EXTL3: variants seen among roughly 807,000 people sequenced by gnomAD.
EXTL3 encodes the protein exostosin-like 3.
In EXTL3, 27 loss-of-function variants were observed where a neutral mutation model predicts 69.3. The observed-to-expected ratio is 0.39, with a 90% CI of 0.29 to 0.54. The LOEUF (loss-of-function observed/expected upper bound fraction) is 0.54. Among genes scored for constraint, EXTL3 ranks in the 20% least tolerant of loss-of-function variants. EXTL3 has a pLI of 0.69. For missense variants in EXTL3, 1,003 were observed against 1,231.8 expected, an observed-to-expected ratio of 0.81 and a Z score of 2.78; for synonymous variants, 511 against 499.4, an observed-to-expected ratio of 1.02 and a Z score of -0.31.
intron 1 of EXTL3, among the ~76,000 whole-genome samples, chr8:28,641,634 G>A (rs1449371109): frequency 1.3e-5 from 2 of 151,782 alleles, no homozygotes; most frequent in East Asian, 2.0e-4. Flanking sequence ...GTGCCACCAC[G>A]CCTAATTTTT....
intron 1 of EXTL3, among the ~76,000 whole-genome samples, chr8:28,708,961 T>G (rs1344370198): frequency 6.6e-6 from 1 of 152,220 alleles, no homozygotes; most frequent in Non-Finnish European, 1.5e-5. Context: ...GTGTGTCAAT[T>G]GTAATTATTA....
chr8:28,630,147 A>T (rs1448723502), intron 1 of EXTL3, among the ~76,000 whole-genome samples: 2 of 152,100 alleles, frequency 1.3e-5, no homozygotes, highest in Non-Finnish European at 2.9e-5. Flanking sequence ...GGTGGGAGGT[A>T]ATTGATACAT....
rs765628502 is a variant in EXTL3, at chr8:28,755,396, A to C, written c.*4530A>C. 1.3e-5 allele frequency: 2 copies of C among 152,404 alleles called. No homozygotes were observed. Among genetic ancestry groups the C allele is most frequent in the Admixed American group, 6.5e-5 (1 of 15,286 alleles). The allele number at this position is 152,404 out of a possible 1,614,324, so 9.4% of individuals were successfully genotyped here. A position where few individuals can be genotyped will look rare whatever the true frequency, so the allele number is the denominator to read the frequency against. ...ATGCTTTGACAAAGTGAAGAGGGTC[A>C]CTTAGAAATCACAGCTTAGGCAAAT... On this transcript the variant is annotated 3_prime_UTR_variant, in exon 7 of 7. Coordinates refer to ENST00000220562, the MANE Select transcript of EXTL3 (RefSeq NM_001440.4).
intron 1 of EXTL3, among the ~76,000 whole-genome samples, chr8:28,630,893 C>G (rs913152895): frequency 4.6e-5 from 7 of 152,170 alleles, no homozygotes; most frequent in Non-Finnish European, 1.0e-4. Context: ...GAAGGCATGT[C>G]AGGAATGGCA....
rs954615799 is a variant in EXTL3 at position 28,718,198 on chromosome 8, C to T, written c.2139C>T (p.Val713=). 6.8e-6 allele frequency: 11 copies of T among 1,613,894 alleles called. No individual in the cohort carries two copies. The highest frequency in any genetic ancestry group is 9.3e-6 in the Non-Finnish European group (11 of 1,179,960). ...ACCTTCTGTGGCCTGACATTGGCGT[C>T]CCCATCATGGTAATAGAGAAACGAA... The part of the protein sequence containing the change: ...SEDLLWPDIG[V]PIMVVRTEKN... The change falls in exon 3 of 7, where the codon GTC becomes GTT. Residue 713 remains valine (V), a synonymous_variant. Transcript: ENST00000220562.
chr8:28,628,007 A>T (rs1242313988), intron 1 of EXTL3, among the ~76,000 whole-genome samples: 1 of 152,192 alleles, frequency 6.6e-6, no homozygotes, highest in Non-Finnish European at 1.5e-5. Context: ...GAGAAGGATG[A>T]TGGTGATGGT....
intron 4 of EXTL3, among the ~76,000 whole-genome samples, chr8:28,731,962 T>C (rs1177030598): frequency 1.3e-5 from 2 of 152,202 alleles, no homozygotes; most frequent in African/African-American, 2.4e-5. Context: ...CTTTGTCTTA[T>C]CTCATTCATC....
intron 3 of EXTL3, among the ~76,000 whole-genome samples, chr8:28,730,527 G>A (rs1294023672): frequency 6.6e-6 from 1 of 152,178 alleles, no homozygotes; most frequent in African/African-American, 2.4e-5. Context: ...GTTTCATTAT[G>A]TAGTTGTACT....
intron 1 of EXTL3, among the ~76,000 whole-genome samples, chr8:28,626,254 A>T (rs975625797): frequency 6.6e-6 from 1 of 152,068 alleles, no homozygotes; most frequent in African/African-American, 2.4e-5. Flanking sequence ...AAGATATAGA[A>T]TAAGACTAAA....
chr8:28,648,346 C>A (rs1331848239), intron 1 of EXTL3, among the ~76,000 whole-genome samples: 1 of 152,152 alleles, frequency 6.6e-6, no homozygotes, highest in East Asian at 1.9e-4. Flanking sequence ...CTCCAGCTCC[C>A]CCATATCCCT....
At position 28,636,337 on chromosome 8, in the gene EXTL3, A is replaced by G. The variant is rs555565637; in HGVS notation, c.-53+13527A>G. Among the ~76,000 whole-genome samples, 4 of 151,846 alleles carry G rather than the reference A, an allele frequency of 2.6e-5. No homozygotes were observed. In the East Asian group the frequency reaches 7.7e-4, roughly 29 times the overall value. ...ACAGACCAAGACTCCATCTCAAAAA[A>G]AAAAAAAAACAAATGTCTAACTCGC... On this transcript the variant is annotated intron_variant, in intron 1 of 6. Transcript: ENST00000523149.
intron 3 of EXTL3, among the ~76,000 whole-genome samples, chr8:28,727,829 G>C (rs774411910): frequency 9.9e-5 from 15 of 152,284 alleles, no homozygotes; most frequent in Non-Finnish European, 2.1e-4. Flanking sequence ...AGTGGGCTTG[G>C]GGTGTGCCTG....
chr8:28,645,828 C>CTT (rs34032752), intron 1 of EXTL3, among the ~76,000 whole-genome samples: 2 of 140,818 alleles, frequency 1.4e-5, no homozygotes, highest in African/African-American at 2.6e-5. Flanking sequence ...TGCACCTGGA[C>CTT]TTTTTTTTTT....
At chr8:28,721,214 GT>G in intron 3 of EXTL3, among the ~76,000 whole-genome samples, 1 of 152,324 alleles carries the variant, frequency 6.6e-6, no homozygotes, top group South Asian at 2.1e-4. Flanking sequence ...TGAAAGCCCT[GT>G]CTCGTGAATG....
At chr8:28,673,738 T>C (rs971363095) in intron 1 of EXTL3, among the ~76,000 whole-genome samples, 2 of 152,176 alleles carry the variant, frequency 1.3e-5, no homozygotes, top group Admixed American at 6.6e-5. Context: ...CAGAAGGAGA[T>C]ATCTGGAGAT....
At chr8:28,681,321 C>T (rs893986242) in intron 1 of EXTL3, among the ~76,000 whole-genome samples, 1 of 151,598 alleles carries the variant, frequency 6.6e-6, no homozygotes, top group Non-Finnish European at 1.5e-5. Flanking sequence ...TCCAGACCAG[C>T]CTGGCCAACA....
intron 1 of EXTL3, among the ~76,000 whole-genome samples, chr8:28,667,067 C>T (rs990497134): frequency 2.6e-4 from 40 of 152,282 alleles, no homozygotes; most frequent in African/African-American, 7.0e-4. Context: ...TCCTCTGGGG[C>T]GGCAAGGATG....
chr8:28,751,082 C>A lies in EXTL3; in HGVS notation c.*216C>A. 1.7e-6 allele frequency: 1 copy of A among 581,084 alleles called. No individual in the cohort carries two copies. The highest frequency in any genetic ancestry group is 3.1e-6 in the Non-Finnish European group (1 of 324,488). The allele number at this position is 581,084 out of a possible 1,614,324, so 36.0% of individuals were successfully genotyped here. On this transcript the variant is annotated 3_prime_UTR_variant, in exon 7 of 7. Coordinates refer to ENST00000220562, the MANE Select transcript of EXTL3 (RefSeq NM_001440.4). The stretch of plus-strand genomic sequence containing the variant: ...TGGGCGGAGTCCCCGGGGTTCCCCA[C>A]ACAGGGCACTGACTGATAGCTTACA...
At chr8:28,640,005 C>T (rs567218281) in intron 1 of EXTL3, among the ~76,000 whole-genome samples, 1 of 152,272 alleles carries the variant, frequency 6.6e-6, no homozygotes, top group Admixed American at 6.5e-5. Context: ...GAGGCTGAAG[C>T]ACGAGAATCA....
Sources: gnomAD v4.1 joint callset for allele counts (sites outside exome capture counted in the v4.1 genomes callset) on GRCh38, gnomAD v4.1.1 for gene constraint, MANE v1.5 for transcripts, NCBI Gene and HGNC (gene_info 2026-07-23, HGNC 2026-07-21) for gene names.